CCSER1: variants seen among roughly 807,000 people sequenced by gnomAD.
The protein encoded by CCSER1 is coiled-coil serine rich protein 1, also known as serine-rich coiled-coil domain-containing protein 1.
A neutral mutation model predicts 82.0 loss-of-function variants in CCSER1; 41 were observed. That is an observed-to-expected ratio of 0.50 (90% CI 0.39 to 0.65). CCSER1 has a LOEUF of 0.65. CCSER1 is among the 30% of genes least tolerant of loss of function. CCSER1 has a pLI of 0.00. For missense variants in CCSER1, 1,119 were observed against 1,064.2 expected (o/e 1.05, Z -0.72); for synonymous variants, 414 against 383.9 (o/e 1.08, Z -0.92).
intron 3 of CCSER1, among the ~76,000 whole-genome samples, chr4:90,366,199 AAATTAT>A (rs1428639099): frequency 1.3e-5 from 2 of 151,800 alleles, no homozygotes; most frequent in Admixed American, 1.3e-4. Context: ...TGCATTTATA[AAATTAT>A]AATTATGTTT....
chr4:90,494,421 G>C (rs1040822621), intron 5 of CCSER1, among the ~76,000 whole-genome samples: 4 of 152,122 alleles, frequency 2.6e-5, no homozygotes, highest in African/African-American at 9.7e-5. Flanking sequence ...AGACCTAATA[G>C]ACATCTACAG....
intron 3 of CCSER1, among the ~76,000 whole-genome samples, chr4:90,387,407 G>C (rs1037220462): frequency 6.6e-6 from 1 of 152,140 alleles, no homozygotes; most frequent in East Asian, 1.9e-4. Context: ...CAAAGAATTT[G>C]ACCTTGCCAA....
chr4:90,875,726 G>A (rs1767114719), intron 8 of CCSER1, among the ~76,000 whole-genome samples: 1 of 152,076 alleles, frequency 6.6e-6, no homozygotes, highest in Admixed American at 6.6e-5. Context: ...GATGCATTAT[G>A]CCACAAATGT....
At chr4:91,138,781 T>C (rs1217845778) in intron 10 of CCSER1, among the ~76,000 whole-genome samples, 4 of 149,878 alleles carry the variant, frequency 2.7e-5, no homozygotes, top group African/African-American at 4.9e-5. Context: ...GCGAAGGACA[T>C]GAACAGACAC....
chr4:90,695,122 G>T (rs1415805139), intron 6 of CCSER1, among the ~76,000 whole-genome samples: 3 of 149,660 alleles, frequency 2.0e-5, no homozygotes, highest in Non-Finnish European at 4.4e-5. Flanking sequence ...ATACACTTTG[G>T]CAACTATTGG....
intron 4 of CCSER1, among the ~76,000 whole-genome samples, chr4:90,440,364 G>A (rs1759689541): frequency 6.6e-6 from 1 of 152,102 alleles, no homozygotes; most frequent in Non-Finnish European, 1.5e-5. Context: ...CTAAATAAAA[G>A]ACAAAGAGAG....
intron 8 of CCSER1, among the ~76,000 whole-genome samples, chr4:90,819,197 C>A (rs1474643585): frequency 6.6e-6 from 1 of 152,112 alleles, no homozygotes; most frequent in Non-Finnish European, 1.5e-5. Flanking sequence ...ATCATGTGAG[C>A]CCTCTGATGT....
intron 5 of CCSER1, among the ~76,000 whole-genome samples, chr4:90,551,698 C>CTCTCTCTA (rs1777508798): frequency 8.4e-6 from 1 of 118,510 alleles, no homozygotes; most frequent in Non-Finnish European, 1.6e-5. Context: ...CTCTCTCTCT[C>CTCTCTCTA]TCTCTCTCTA....
intron 4 of CCSER1, among the ~76,000 whole-genome samples, chr4:90,435,745 T>C (rs969796065): frequency 1.3e-5 from 2 of 152,250 alleles, no homozygotes; most frequent in Admixed American, 1.3e-4. Context: ...GTGTAATACA[T>C]GACTGCCTCA....
At chr4:90,444,297 T>C (rs1416774665) in intron 4 of CCSER1, among the ~76,000 whole-genome samples, 7 of 152,070 alleles carry the variant, frequency 4.6e-5, no homozygotes, top group African/African-American at 1.7e-4. Context: ...CTTACTGCCA[T>C]TCTTTGTTCT....
intron 10 of CCSER1, among the ~76,000 whole-genome samples, chr4:91,091,011 T>G (rs1419014718): frequency 2.0e-5 from 3 of 152,184 alleles, no homozygotes; most frequent in African/African-American, 7.2e-5. Context: ...AACAGGATCT[T>G]CTTCATCCTT....
At chr4:90,244,121 GTAT>G (rs1350406344) in intron 1 of CCSER1, among the ~76,000 whole-genome samples, 1 of 152,098 alleles carries the variant, frequency 6.6e-6, no homozygotes, top group Non-Finnish European at 1.5e-5. Context: ...CTTAAAGATT[GTAT>G]TATTTTCTCT....
chr4:90,531,528 T>C (rs1209261514), intron 5 of CCSER1, among the ~76,000 whole-genome samples: 1 of 152,152 alleles, frequency 6.6e-6, no homozygotes, highest in Non-Finnish European at 1.5e-5. Context: ...ACTATGAAGC[T>C]TTTTAAATCT....
intron 7 of CCSER1, among the ~76,000 whole-genome samples, chr4:90,755,531 C>A (rs765702963): frequency 3.3e-5 from 5 of 152,124 alleles, no homozygotes; most frequent in Admixed American, 2.6e-4. Context: ...GCTGAAGAAG[C>A]CTTGTCTCTT....
rs1764889744 is a variant in CCSER1 at position 91,603,728 on chromosome 4, C to T, written c.*4671C>T. The T allele has an allele frequency of 6.6e-6, 1 of 152,002 alleles. No homozygotes were observed. The highest frequency in any genetic ancestry group is 2.1e-4 in the South Asian group (1 of 4,830). 9.4% of individuals were successfully genotyped at this position (152,002 alleles called of 1,614,324 possible). The stretch of plus-strand genomic sequence containing the variant: ...CTTTAGTAAATTCGGGTTGCTATAA[C>T]AAAATACCATGGACTGGGTGACTAA... On this transcript the variant is annotated 3_prime_UTR_variant, in exon 11 of 11. Coordinates refer to ENST00000509176, the MANE Select transcript of CCSER1 (RefSeq NM_001145065.2).
rs375167122 is a variant in CCSER1, at chr4:90,309,288, A to G, written c.1004A>G (p.Asn335Ser). 1.4e-5 allele frequency: 22 copies of G among 1,613,692 alleles called. No homozygotes were observed. Among genetic ancestry groups the G allele is most frequent in the Non-Finnish European group, 1.8e-5 (21 of 1,179,802 alleles). The change falls in exon 2 of 11, where the codon AAT becomes AGT. Residue 335 changes from asparagine (N) to serine (S), a missense_variant. Physicochemically the swap from Asn to Ser is conservative, Grantham distance 46. Transcript: ENST00000509176. ...GAGGGTCAATGTAGCACTGAATCTA[A>G]TTCATTACCGGAAACCTCTGCTGCT... ...RLEGQCSTES[N>S]SLPETSAANQ...
chr4:90,304,822 A>T lies in CCSER1; in HGVS notation c.-41-3422A>T, dbSNP rs114343507. Reference sequence around the variant, plus strand: ...ATAATAATAAAAAATAAAAAAAAATAAAATTGTTTAAAAATGTTTCTCATT... The same window carrying T: ...ATAATAATAAAAAATAAAAAAAAATTAAATTGTTTAAAAATGTTTCTCATT... On this transcript the variant is annotated intron_variant, in intron 1 of 10. Coordinates refer to ENST00000509176, the MANE Select transcript of CCSER1 (RefSeq NM_001145065.2). Among the ~76,000 whole-genome samples the T allele has an allele frequency of 9.7e-3, 1,471 of 152,184 alleles. 22 individuals carry two copies. The highest frequency in any genetic ancestry group is 0.034 in the African/African-American group (1,416 of 41,556).
chr4:90,193,924 T>A (rs1290217850), intron 1 of CCSER1, among the ~76,000 whole-genome samples: 1 of 152,114 alleles, frequency 6.6e-6, no homozygotes. Flanking sequence ...CTATTTAACA[T>A]ATTTGGTGGG....
chr4:90,916,747 T>C (rs896470624), intron 8 of CCSER1, among the ~76,000 whole-genome samples: 2 of 151,664 alleles, frequency 1.3e-5, no homozygotes, highest in African/African-American at 4.8e-5. Context: ...TGGGAGAAAA[T>C]TTTTGCAATC....
Sources: allele counts gnomAD v4.1 joint callset (sites outside exome capture counted in the v4.1 genomes callset), GRCh38; gene constraint gnomAD v4.1.1; transcripts MANE v1.5; gene names NCBI Gene and HGNC (gene_info 2026-07-23, HGNC 2026-07-21).